CXorf38: variants seen among roughly 807,000 people sequenced by gnomAD.
CXorf38 encodes chromosome X open reading frame 38.
A neutral mutation model predicts 27.5 loss-of-function variants in CXorf38; 13 were observed. The observed-to-expected ratio is 0.47, with a 90% CI of 0.31 to 0.75. The LOEUF (loss-of-function observed/expected upper bound fraction) is 0.75. Ranked by LOEUF, CXorf38 falls within the 30% of genes least tolerant of loss-of-function variation. The probability of loss-of-function intolerance (pLI) is 0.05; values close to 1 mark genes in which losing one functional copy is unlikely to be tolerated. For missense variants in CXorf38, 240 were observed against 253.2 expected, an observed-to-expected ratio of 0.95 and a Z score of 0.35; for synonymous variants, 100 against 99.8, an observed-to-expected ratio of 1.00 and a Z score of -0.01.
In CXorf38 at chrX:40,638,967, C is replaced by G. The variant is rs760098444; in HGVS notation, c.471+42G>C. ...CATGACTGGCTCTCACAGCACAGAC[C>G]CAACTGACTCAGGGTATGCTTTTGA... is the stretch of plus-strand genomic sequence containing the variant. On this transcript the variant is annotated intron_variant, in intron 3 of 6. Transcript: ENST00000327877. 12 of 1,196,525 alleles carry G rather than the reference C, an allele frequency of 1.0e-5. No individual in the cohort carries two copies. In the Admixed American group the frequency reaches 1.8e-4, roughly 18 times the overall value.
At position 40,629,660 on chromosome X, in the gene CXorf38, T is replaced by C. The variant is rs1927678476; in HGVS notation, c.*504A>G. 8.9e-6 allele frequency: 1 copy of C among 112,675 alleles called. No homozygotes were observed. Among genetic ancestry groups the C allele is most frequent in the African/African-American group, 3.2e-5 (1 of 31,057 alleles). The allele number at this position is 112,675 out of a possible 1,213,427, so 9.3% of individuals were successfully genotyped here. A position where few individuals can be genotyped will look rare whatever the true frequency, so the allele number is the denominator to read the frequency against. On this transcript the variant is annotated 3_prime_UTR_variant, in exon 7 of 7. Transcript: ENST00000327877. ...CAGAATCTCGCTCTATTGCCCAGGCTGGAGTACAGTGGCATGGTCTCAGCT... is the reference window on the plus strand; with the variant it reads ...CAGAATCTCGCTCTATTGCCCAGGCCGGAGTACAGTGGCATGGTCTCAGCT...
At chrX:40,644,168 G>A (rs1244453500) in intron 2 of CXorf38, among the ~76,000 whole-genome samples, 2 of 112,172 alleles carry the variant, frequency 1.8e-5, no homozygotes, top group Non-Finnish European at 3.8e-5. Context: ...GGGTCATGTG[G>A]TAACTGTTTA....
At position 40,630,707 on chromosome X, in the gene CXorf38, T is replaced by G; in HGVS notation, c.868A>C (p.Thr290Pro). The G allele has an allele frequency of 9.9e-6, 12 of 1,210,277 alleles. No individual in the cohort carries two copies. The highest frequency in any genetic ancestry group is 1.3e-5 in the Non-Finnish European group (12 of 894,107). ...RNNEDLRNGLTEDMQKLDSLC... is the reference protein window; with the variant it reads ...RNNEDLRNGLPEDMQKLDSLC... The stretch of plus-strand genomic sequence containing the variant: ...CTGTCTAGCTTCTGCATATCTTCTG[T>G]AAGGCCATTTCTAAGATCCTCATTG... The change falls in exon 6 of 7, where the codon ACA becomes CCA. Residue 290 changes from threonine (T) to proline (P), a missense_variant. Transcript: ENST00000327877.
At chrX:40,631,260 C>T (rs200311336) in intron 5 of CXorf38, among the ~76,000 whole-genome samples, 54 of 18,046 alleles carry the variant, frequency 3.0e-3, no homozygotes, top group Admixed American at 5.1e-3. Flanking sequence ...TATATACACA[C>T]ACACACACAC....
At chrX:40,639,811 A>C (rs1928237873) in intron 2 of CXorf38, 1 of 126,167 alleles carries the variant, frequency 7.9e-6, no homozygotes, top group Admixed American at 8.4e-5. Context: ...TAGGAGTTAC[A>C]GATGGAATCC....
Position 40,647,287 on chromosome X carries a change from C to T in CXorf38, c.216+18G>A. 1 of 1,095,702 alleles carries T rather than the reference C, an allele frequency of 9.1e-7. No individual in the cohort carries two copies. Among genetic ancestry groups the T allele is most frequent in the Non-Finnish European group, 1.2e-6 (1 of 844,763 alleles). 90.3% of individuals were successfully genotyped at this position (1,095,702 alleles called of 1,213,427 possible). ...GTGGGGTGGGGGCGGTGGTCAAGGC[C>T]CCGAGCCAGGTGCTCACCTGGCGGG... On this transcript the variant is annotated intron_variant, in intron 1 of 6. Coordinates refer to ENST00000327877, the MANE Select transcript of CXorf38 (RefSeq NM_144970.3).
Position 40,647,532 on chromosome X carries a change from G to A in CXorf38, c.-12C>T, listed in dbSNP as rs753595647. 21 of 1,176,749 alleles carry A rather than the reference G, an allele frequency of 1.8e-5. No homozygotes were observed. The East Asian group carries it at 5.7e-4, about 32-fold the overall frequency. The stretch of plus-strand genomic sequence containing the variant: ...TCCGACAGCACCATGTCTCCCACTT[G>A]GAACCAGGAGGTTGCGGGGCGTGGC... On this transcript the variant is annotated 5_prime_UTR_variant, in exon 1 of 7. Coordinates refer to ENST00000327877, the MANE Select transcript of CXorf38 (RefSeq NM_144970.3).
In CXorf38 at chrX:40,628,628, G is replaced by C. The variant is rs1237903685; in HGVS notation, c.*1536C>G. The C allele has an allele frequency of 1.8e-5, 2 of 112,388 alleles. No individual in the cohort carries two copies. Among genetic ancestry groups the C allele is most frequent in the African/African-American group, 6.5e-5 (2 of 30,924 alleles). 9.3% of individuals were successfully genotyped at this position (112,388 alleles called of 1,213,427 possible). A position where few individuals can be genotyped will look rare whatever the true frequency, so the allele number is the denominator to read the frequency against. On this transcript the variant is annotated 3_prime_UTR_variant, in exon 7 of 7. Coordinates refer to ENST00000327877, the MANE Select transcript of CXorf38 (RefSeq NM_144970.3). ...GCATGAACGAATGTGTGAATTTGTT[G>C]AAAGAAAATGATGTCTTTGAATTTC...
chrX:40,630,859 C>A (rs184769941), intron 5 of CXorf38, 86 bp from the exon 6 acceptor site: 2 of 903,212 alleles, frequency 2.2e-6, no homozygotes, highest in East Asian at 6.5e-5. Flanking sequence ...AGCTTCTAGA[C>A]TGGCTCCTAC....
chrX:40,634,413 T>C (rs1433211092), intron 5 of CXorf38, among the ~76,000 whole-genome samples: 4 of 112,187 alleles, frequency 3.6e-5, no homozygotes, highest in Non-Finnish European at 7.5e-5. Flanking sequence ...CAGGTCTTGA[T>C]AACATTTATA....
At chrX:40,633,093 C>G (rs971518350) in intron 5 of CXorf38, among the ~76,000 whole-genome samples, 1 of 110,981 alleles carries the variant, frequency 9.0e-6, no homozygotes, top group African/African-American at 3.3e-5. Context: ...CTCTACACTT[C>G]TACCTTCAGC....
rs1370808321 is a variant in CXorf38 at position 40,630,025 on chromosome X, C to T, written c.*139G>A. On this transcript the variant is annotated 3_prime_UTR_variant, in exon 7 of 7. Coordinates refer to ENST00000327877, the MANE Select transcript of CXorf38 (RefSeq NM_144970.3). ...AGTTCCAAAGAGTTAGAGGAAAGTC[C>T]AGGACAAAACAACAAAAATTCCTTT... The T allele has an allele frequency of 9.0e-6, 1 of 111,455 alleles. No individual in the cohort carries two copies. Among genetic ancestry groups the T allele is most frequent in the East Asian group, 2.8e-4 (1 of 3,563 alleles). The allele number at this position is 111,455 out of a possible 1,213,427, so 9.2% of individuals were successfully genotyped here.
intron 2 of CXorf38, among the ~76,000 whole-genome samples, chrX:40,645,053 C>A (rs1012182362): frequency 1.8e-5 from 2 of 111,705 alleles, no homozygotes; most frequent in African/African-American, 6.5e-5. Flanking sequence ...AATGATGGGC[C>A]ATGGAATCTG....
rs935448667 is a variant in CXorf38, at chrX:40,627,556, T to G, written c.*2608A>C. 8.9e-6 allele frequency: 1 copy of G among 112,269 alleles called. No homozygotes were observed. The highest frequency in any genetic ancestry group is 1.9e-5 in the Non-Finnish European group (1 of 53,291). The allele number at this position is 112,269 out of a possible 1,213,427, so 9.3% of individuals were successfully genotyped here. A position where few individuals can be genotyped will look rare whatever the true frequency, so the allele number is the denominator to read the frequency against. On this transcript the variant is annotated 3_prime_UTR_variant, in exon 7 of 7. Transcript: ENST00000327877. ...CTTAGAGATCACTGCATGACCACAG[T>G]GCAGCATCGCTTCATTCTTTCCAAC...
intron 2 of CXorf38, chrX:40,639,636 T>C (rs1928229939): frequency 8.6e-6 from 1 of 115,723 alleles, no homozygotes; most frequent in Non-Finnish European, 1.8e-5. Context: ...AGATTCCTTA[T>C]CAGTAAATGG....
At chrX:40,642,965 G>A (rs1316427157) in intron 2 of CXorf38, among the ~76,000 whole-genome samples, 1 of 110,096 alleles carries the variant, frequency 9.1e-6, no homozygotes, top group East Asian at 2.8e-4. Context: ...TGGTAGAGAC[G>A]GGGTTTCACC....
chrX:40,642,937 A>G (rs1303457114), intron 2 of CXorf38, among the ~76,000 whole-genome samples: 2 of 100,437 alleles, frequency 2.0e-5, no homozygotes, highest in African/African-American at 6.7e-5. Context: ...ATAGCTGCCT[A>G]ATTTTTTTTT....
At chrX:40,645,273 G>C (rs1311090182) in intron 2 of CXorf38, among the ~76,000 whole-genome samples, 2 of 111,284 alleles carry the variant, frequency 1.8e-5, no homozygotes, top group African/African-American at 6.6e-5. Context: ...GGAGGCTGAG[G>C]GGGAGTGAAG....
intron 5 of CXorf38, among the ~76,000 whole-genome samples, chrX:40,631,548 C>T (rs1051855020): frequency 7.2e-5 from 8 of 111,319 alleles, no homozygotes; most frequent in African/African-American, 1.3e-4. Context: ...TCAGGTGATT[C>T]GCCCGCCTCG....
Sources: gnomAD v4.1 joint callset for allele counts (sites outside exome capture counted in the v4.1 genomes callset) on GRCh38, gnomAD v4.1.1 for gene constraint, MANE v1.5 for transcripts, NCBI Gene and HGNC (gene_info 2026-07-23, HGNC 2026-07-21) for gene names.